DLG2: variants seen among roughly 807,000 people sequenced by gnomAD.
DLG2 encodes the protein discs large MAGUK scaffold protein 2.
In DLG2, 45 loss-of-function variants were observed where a neutral mutation model predicts 132.5. The observed-to-expected ratio is 0.34, with a 90% CI of 0.27 to 0.44. The LOEUF is 0.44. Among genes scored for constraint, DLG2 ranks in the 20% least tolerant of loss-of-function variants. The probability of loss-of-function intolerance (pLI) is 1.00; values close to 1 mark genes in which losing one functional copy is unlikely to be tolerated. For missense variants in DLG2, 1,045 were observed against 1,196.9 expected (o/e 0.87, Z 1.87); for synonymous variants, 424 against 419.6 (o/e 1.01, Z -0.13).
rs59822508 is a variant in DLG2 at position 84,074,529 on chromosome 11, AT to A, written c.750-15046del. On this transcript the variant is annotated intron_variant, in intron 10 of 27. Transcript: ENST00000376104. Reference sequence around the variant, plus strand: ...CTCTAGACGGAAACCAGAGTTTCTAATTTTTTTTTTTTTTTTTGAGGTGGAG... The same window carrying A: ...CTCTAGACGGAAACCAGAGTTTCTAATTTTTTTTTTTTTTTTGAGGTGGAG... Among the ~76,000 whole-genome samples the A allele has an allele frequency of 6.7e-3, 939 of 139,222 alleles. 2 individuals are homozygous for A. Among genetic ancestry groups the A allele is most frequent in the African/African-American group, 0.01 (386 of 36,890 alleles). The allele number at this position is 139,222 out of a possible 152,430, so 91.3% of individuals were successfully genotyped here. A position where few individuals can be genotyped will look rare whatever the true frequency, so the allele number is the denominator to read the frequency against.
intron 6 of DLG2, among the ~76,000 whole-genome samples, chr11:84,886,724 A>T (rs1174362787): frequency 2.0e-5 from 3 of 152,120 alleles, no homozygotes; most frequent in Non-Finnish European, 4.4e-5. Context: ...GGTAGAAAAC[A>T]CAGTGATCAG....
In DLG2 at chr11:85,500,134, T is replaced by A. The variant is rs370623436; in HGVS notation, c.40+98523A>T. Among the ~76,000 whole-genome samples the A allele has an allele frequency of 2.1e-4, 32 of 152,096 alleles. 1 individual carries two copies. Among genetic ancestry groups the A allele is most frequent in the Admixed American group, 1.3e-3 (20 of 15,260 alleles). ...GTGAAAGAAACAAAGTGTATTCAAATAGGAAGAGAGGAAGTCAAATTGTCT... is the reference window on the plus strand; with the variant it reads ...GTGAAAGAAACAAAGTGTATTCAAAAAGGAAGAGAGGAAGTCAAATTGTCT... On this transcript the variant is annotated intron_variant, in intron 3 of 27. Coordinates refer to ENST00000376104, the MANE Select transcript of DLG2 (RefSeq NM_001142699.3).
At chr11:83,481,043 G>T (rs559359496) in intron 22 of DLG2, among the ~76,000 whole-genome samples, 19 of 152,198 alleles carry the variant, frequency 1.2e-4, no homozygotes, top group African/African-American at 4.6e-4. Context: ...TTACGAATCA[G>T]CTCAATAGTT....
intron 7 of DLG2, among the ~76,000 whole-genome samples, chr11:84,369,124 C>T (rs908806070): frequency 6.6e-6 from 1 of 151,712 alleles, no homozygotes; most frequent in Non-Finnish European, 1.5e-5. Context: ...GCAATATGGC[C>T]GTGTTTTATA....
At chr11:84,545,206 A>G in intron 6 of DLG2, 1 of 459,092 alleles carries the variant, frequency 2.2e-6, no homozygotes, top group East Asian at 5.5e-5. Context: ...TGGTTTGGCA[A>G]AGGATTGTCC....
At chr11:84,663,242 TATA>T (rs1185323622) in intron 6 of DLG2, among the ~76,000 whole-genome samples, 4 of 66,380 alleles carry the variant, frequency 6.0e-5, no homozygotes, top group Admixed American at 2.1e-4. Context: ...TATATATATA[TATA>T]TATATTTTTT....
intron 6 of DLG2, among the ~76,000 whole-genome samples, chr11:84,902,538 A>G (rs1168125428): frequency 6.6e-6 from 1 of 152,136 alleles, no homozygotes; most frequent in Non-Finnish European, 1.5e-5. Context: ...CTCTCCCCAC[A>G]ATGGTGGTAT....
intron 3 of DLG2, among the ~76,000 whole-genome samples, chr11:85,482,184 C>A (rs114957696): frequency 0.01 from 1,536 of 152,198 alleles, 19 homozygotes; most frequent in African/African-American, 0.035. Flanking sequence ...CCAACTCCTG[C>A]AGCCTTAATG....
intron 18 of DLG2, among the ~76,000 whole-genome samples, chr11:83,691,679 A>C (rs761618961): frequency 6.6e-6 from 1 of 152,116 alleles, no homozygotes; most frequent in Admixed American, 6.5e-5. Context: ...TCAGAAGCCG[A>C]TAGAAGATAC....
At chr11:84,152,218 T>C (rs2095313134) in intron 9 of DLG2, among the ~76,000 whole-genome samples, 1 of 152,166 alleles carries the variant, frequency 6.6e-6, no homozygotes, top group Admixed American at 6.6e-5. Flanking sequence ...ACAAACTGGG[T>C]GCTCCAATGT....
chr11:85,216,344 A>C (rs2152574888), intron 4 of DLG2, among the ~76,000 whole-genome samples: 1 of 152,330 alleles, frequency 6.6e-6, no homozygotes, highest in South Asian at 2.1e-4. Context: ...GGAAATAAGT[A>C]AAGTACCTAA....
intron 4 of DLG2, among the ~76,000 whole-genome samples, chr11:85,277,702 T>C (rs567702410): frequency 4.6e-5 from 7 of 152,276 alleles, no homozygotes; most frequent in African/African-American, 1.4e-4. Context: ...TTTGAGTGTA[T>C]TTTCTAAATT....
intron 3 of DLG2, among the ~76,000 whole-genome samples, chr11:85,579,789 C>T (rs2078395474): frequency 6.6e-6 from 1 of 152,088 alleles, no homozygotes; most frequent in Non-Finnish European, 1.5e-5. Flanking sequence ...TGAGTTCAAG[C>T]AATCCACCCA....
chr11:85,351,790 G>A (rs929675900), intron 3 of DLG2, among the ~76,000 whole-genome samples: 1 of 152,156 alleles, frequency 6.6e-6, no homozygotes, highest in Non-Finnish European at 1.5e-5. Context: ...GCTTTTTGAA[G>A]TGCTGCTGGA....
intron 8 of DLG2, among the ~76,000 whole-genome samples, chr11:84,183,275 G>GAACT: frequency 6.6e-6 from 1 of 152,138 alleles, no homozygotes; most frequent in East Asian, 1.9e-4. Flanking sequence ...GAACAAAAGT[G>GAACT]AACTATACTG....
chr11:83,623,440 A>G (rs2061962598), intron 19 of DLG2, among the ~76,000 whole-genome samples: 1 of 152,214 alleles, frequency 6.6e-6, no homozygotes. Flanking sequence ...AGCAGTTACT[A>G]TATGCCAGAC....
intron 6 of DLG2, among the ~76,000 whole-genome samples, chr11:84,887,792 T>C (rs1368813141): frequency 6.6e-6 from 1 of 151,752 alleles, no homozygotes; most frequent in African/African-American, 2.4e-5. Flanking sequence ...TCTATCTGCC[T>C]CCATACCGTT....
intron 3 of DLG2, among the ~76,000 whole-genome samples, chr11:85,422,861 A>G (rs182247085): frequency 4.2e-4 from 63 of 150,484 alleles, no homozygotes; most frequent in African/African-American, 1.5e-3. Flanking sequence ...CTTTTTTTTT[A>G]TTTCCTTACA....
chr11:84,660,888 A>C (rs971610593), intron 6 of DLG2, among the ~76,000 whole-genome samples: 1 of 152,122 alleles, frequency 6.6e-6, no homozygotes, highest in Admixed American at 6.6e-5. Flanking sequence ...GATGCCACAA[A>C]ATGTTTCATC....
Sources: allele counts gnomAD v4.1 joint callset (sites outside exome capture counted in the v4.1 genomes callset), GRCh38; gene constraint gnomAD v4.1.1; transcripts MANE v1.5; gene names NCBI Gene and HGNC (gene_info 2026-07-23, HGNC 2026-07-21).